The following ATP8A1 variants were observed in gnomAD, a reference collection of about 807,000 sequenced individuals.
ATP8A1 encodes ATPase phospholipid transporting 8A1.
Under a neutral mutation model 177.7 loss-of-function variants are expected in ATP8A1, and 90 were observed. That is an observed-to-expected ratio of 0.51 (90% CI 0.43 to 0.60). The LOEUF (loss-of-function observed/expected upper bound fraction) is 0.60. ATP8A1 is among the 20% of genes least tolerant of loss of function. The pLI is 0.00. For synonymous variants in ATP8A1, 493 were observed against 485.9 expected, an observed-to-expected ratio of 1.01 and a Z score of -0.19; for missense variants, 1,072 against 1,392.8, an observed-to-expected ratio of 0.77 and a Z score of 3.67.
intron 25 of ATP8A1, among the ~76,000 whole-genome samples, chr4:42,473,211 C>A (rs753463364): frequency 1.3e-5 from 2 of 152,144 alleles, no homozygotes; most frequent in Non-Finnish European, 2.9e-5. Flanking sequence ...TAAAGCTCTG[C>A]GGAAGAACAC....
intron 4 of ATP8A1, among the ~76,000 whole-genome samples, chr4:42,623,316 C>A (rs1271030282): frequency 6.6e-6 from 1 of 152,098 alleles, no homozygotes; most frequent in Non-Finnish European, 1.5e-5. Context: ...AAGACAAATA[C>A]CACTTGACCC....
chr4:42,549,177 C>G (rs945506261), intron 18 of ATP8A1, 115 bp from the exon 19 acceptor site: 13 of 785,308 alleles, frequency 1.7e-5, no homozygotes, highest in Non-Finnish European at 2.5e-5. Flanking sequence ...ACAAATTTTC[C>G]CTGCTGAAAT....
At chr4:42,542,922 G>A (rs1283308481) in intron 20 of ATP8A1, among the ~76,000 whole-genome samples, 1 of 151,910 alleles carries the variant, frequency 6.6e-6, no homozygotes, top group Admixed American at 6.6e-5. Flanking sequence ...ATATTTCTCT[G>A]ACTAGTCTAA....
chr4:42,603,957 C>T (rs903859803), intron 5 of ATP8A1, among the ~76,000 whole-genome samples: 3 of 152,198 alleles, frequency 2.0e-5, no homozygotes, highest in African/African-American at 7.2e-5. Flanking sequence ...CTTCCCTAGG[C>T]TCAAAAAATA....
rs145207729 is a variant in ATP8A1 at position 42,444,170 on chromosome 4, G to A, written c.3015+408C>T. On this transcript the variant is annotated intron_variant, in intron 32 of 36. Transcript: ENST00000381668. ...CGTATCTAAAATGGAACAAGACTGG[G>A]TATTTGTCAATGTCTGAGGACAAAT... Among the ~76,000 whole-genome samples the A allele has an allele frequency of 1.3e-3, 194 of 152,260 alleles. 1 individual carries two copies. Among genetic ancestry groups the A allele is most frequent in the African/African-American group, 4.4e-3 (184 of 41,542 alleles).
intron 33 of ATP8A1, among the ~76,000 whole-genome samples, chr4:42,430,409 G>C (rs1370122993): frequency 6.6e-6 from 1 of 151,788 alleles, no homozygotes; most frequent in African/African-American, 2.4e-5. Context: ...AAAATCGAGA[G>C]TCTTTACAAT....
rs535588522 is a variant in ATP8A1 at position 42,513,507 on chromosome 4, C to A, written c.1948-6353G>T. ...ACTAAACAATGAATTAAGGTTTAGC[C>A]AAGAAATGGGGAGAGGTGGGGAAGG... On this transcript the variant is annotated intron_variant, in intron 22 of 36. Transcript: ENST00000381668. Among the ~76,000 whole-genome samples, 8 of 152,098 alleles carry A rather than the reference C, an allele frequency of 5.3e-5. No individual in the cohort carries two copies. The East Asian group carries it at 7.7e-4, about 15-fold the overall frequency.
At chr4:42,502,810 G>T (rs10034610) in intron 24 of ATP8A1, among the ~76,000 whole-genome samples, 32,245 of 152,016 alleles carry the variant, frequency 0.21, 3,724 homozygotes, top group African/African-American at 0.3. Context: ...TCACCTCTAC[G>T]GCTCTGTCTT....
chr4:42,503,737 T>C (rs1724083330), intron 23 of ATP8A1, among the ~76,000 whole-genome samples: 1 of 152,060 alleles, frequency 6.6e-6, no homozygotes. Flanking sequence ...TACAAAGACA[T>C]CTGGAAAAAG....
chr4:42,440,364 C>G (rs1397749405), intron 33 of ATP8A1, among the ~76,000 whole-genome samples: 2 of 141,582 alleles, frequency 1.4e-5, no homozygotes, highest in African/African-American at 5.2e-5. Flanking sequence ...TTTAATCTGA[C>G]TATGAGTAAA....
chr4:42,575,071 G>A (rs923876243), intron 13 of ATP8A1, among the ~76,000 whole-genome samples: 10 of 152,134 alleles, frequency 6.6e-5, no homozygotes, highest in East Asian at 5.8e-4. Flanking sequence ...AACAGCTTGC[G>A]CAATTAACTT....
At chr4:42,528,839 G>A (rs992611036) in intron 20 of ATP8A1, among the ~76,000 whole-genome samples, 1 of 152,184 alleles carries the variant, frequency 6.6e-6, no homozygotes, top group African/African-American at 2.4e-5. Context: ...ACTTATTGGT[G>A]AGATATTTGT....
At chr4:42,523,402 G>T (rs1052875280) in intron 21 of ATP8A1, among the ~76,000 whole-genome samples, 1 of 152,194 alleles carries the variant, frequency 6.6e-6, no homozygotes, top group African/African-American at 2.4e-5. Context: ...AAGACAAAAT[G>T]TGTTTAAGGG....
At chr4:42,462,944 C>A (rs777948413) in intron 27 of ATP8A1, among the ~76,000 whole-genome samples, 4 of 152,268 alleles carry the variant, frequency 2.6e-5, no homozygotes, top group African/African-American at 7.2e-5. Flanking sequence ...TTGCCTGGGG[C>A]CTGTGGTCCC....
At chr4:42,504,946 C>A (rs191980880) in intron 23 of ATP8A1, among the ~76,000 whole-genome samples, 1 of 152,338 alleles carries the variant, frequency 6.6e-6, no homozygotes, top group South Asian at 2.1e-4. Context: ...AATCATCATG[C>A]GACAAGCTCC....
In ATP8A1 at chr4:42,583,729, A is replaced by C. The variant is rs186347340; in HGVS notation, c.723-1997T>G. 8.5e-5 allele frequency among the ~76,000 whole-genome samples: 13 copies of C among 152,368 alleles called. No individual in the cohort carries two copies. The East Asian group carries it at 2.5e-3, about 29-fold the overall frequency. ...GCTTTGGGTAATCACTGTAAACCCC[A>C]AAAGTGCCACAGATACAAAGGTCTT... On this transcript the variant is annotated intron_variant, in intron 9 of 36. Coordinates refer to ENST00000381668, the MANE Select transcript of ATP8A1 (RefSeq NM_006095.2).
chr4:42,468,547 A>G (rs1303583867), intron 25 of ATP8A1, among the ~76,000 whole-genome samples: 2 of 152,196 alleles, frequency 1.3e-5, no homozygotes, highest in Non-Finnish European at 2.9e-5. Context: ...GATGGAACTG[A>G]AGACTATTAT....
intron 27 of ATP8A1, among the ~76,000 whole-genome samples, chr4:42,464,203 C>T (rs896198159): frequency 6.6e-6 from 1 of 151,032 alleles, no homozygotes; most frequent in Non-Finnish European, 1.5e-5. Context: ...TTCAACACTT[C>T]TTATCAAAGC....
chr4:42,427,753 A>G (rs1170883825), intron 33 of ATP8A1, among the ~76,000 whole-genome samples: 2 of 152,246 alleles, frequency 1.3e-5, no homozygotes, highest in Admixed American at 1.3e-4. Flanking sequence ...AAAGGTGAAA[A>G]GAAACCATGG....
Sources: allele counts gnomAD v4.1 joint callset (sites outside exome capture counted in the v4.1 genomes callset), GRCh38; gene constraint gnomAD v4.1.1; transcripts MANE v1.5; gene names NCBI Gene and HGNC (gene_info 2026-07-23, HGNC 2026-07-21).